The following NKIRAS1 variants were observed in gnomAD, a reference collection of about 807,000 sequenced individuals.
NKIRAS1 encodes the protein NF-kappa-B inhibitor-interacting Ras-like protein 1.
A neutral mutation model predicts 19.8 loss-of-function variants in NKIRAS1; 16 were observed. That is an observed-to-expected ratio of 0.81 (90% CI 0.55 to 1.23). The LOEUF (loss-of-function observed/expected upper bound fraction) is 1.23, where lower values mean the gene tolerates loss of function less well. NKIRAS1 is among the 50% of genes most tolerant of loss of function. The probability of loss-of-function intolerance (pLI) is 0.00; values close to 1 mark genes in which losing one functional copy is unlikely to be tolerated. For synonymous variants in NKIRAS1, 88 were observed against 79.0 expected, an observed-to-expected ratio of 1.11 and a Z score of -0.61; for missense variants, 184 against 220.0, an observed-to-expected ratio of 0.84 and a Z score of 1.04.
chr3:23,921,524 T>C, upstream of NKIRAS1: 1 of 678,706 alleles, frequency 1.5e-6, no homozygotes, highest in South Asian at 1.6e-5. Flanking sequence ...TTTGCTTTAC[T>C]ATTTCTATAT....
intron 4 of NKIRAS1, among the ~76,000 whole-genome samples, chr3:23,897,761 C>T (rs552590165): frequency 6.6e-6 from 1 of 152,272 alleles, no homozygotes; most frequent in South Asian, 2.1e-4. Context: ...ACCCTCATTC[C>T]CCATTCTGCT....
chr3:23,942,133 C>T (rs1246370415), intron 1 of NKIRAS1, among the ~76,000 whole-genome samples: 1 of 152,028 alleles, frequency 6.6e-6, no homozygotes, highest in Non-Finnish European at 1.5e-5. Context: ...TGTGTGCTAC[C>T]ACATCCGGCT....
intron 4 of NKIRAS1, 33 bp downstream of exon 4, chr3:23,900,774 AT>A (rs1194899010): frequency 1.9e-6 from 3 of 1,569,712 alleles, no homozygotes; most frequent in African/African-American, 1.4e-5. Flanking sequence ...TGGTATTATA[AT>A]TCACATTTGG....
intron 4 of NKIRAS1, among the ~76,000 whole-genome samples, chr3:23,894,932 C>G (rs1490120472): frequency 6.6e-6 from 1 of 152,324 alleles, no homozygotes; most frequent in Non-Finnish European, 1.5e-5. Context: ...TTTCACTGGC[C>G]ACGTAGATGC....
intron 1 of NKIRAS1, among the ~76,000 whole-genome samples, chr3:23,924,707 C>A (rs149136762): frequency 6.6e-6 from 1 of 152,144 alleles, no homozygotes; most frequent in Admixed American, 6.6e-5. Flanking sequence ...TGGCCCTGCT[C>A]ATAAGATTCT....
chr3:23,900,663 A>C (rs1702441088), intron 4 of NKIRAS1, 145 bp downstream of exon 4: 1 of 635,672 alleles, frequency 1.6e-6, no homozygotes, highest in Admixed American at 3.3e-5. Context: ...AAAAAGAAAA[A>C]GAAAAAGAAA....
At chr3:23,913,719 T>C (rs1047698526) in intron 1 of NKIRAS1, among the ~76,000 whole-genome samples, 3 of 152,174 alleles carry the variant, frequency 2.0e-5, no homozygotes, top group African/African-American at 7.2e-5. Flanking sequence ...ACACAATAAA[T>C]GTACACCAGT....
chr3:23,945,233 G>C (rs1409466968), intron 1 of NKIRAS1: 1 of 151,512 alleles, frequency 6.6e-6, no homozygotes, highest in Non-Finnish European at 1.5e-5. Context: ...GGCCGAGGGC[G>C]GGCGGAGGGA....
intron 1 of NKIRAS1, among the ~76,000 whole-genome samples, chr3:23,913,896 C>T (rs2125430510): frequency 1.3e-5 from 2 of 152,192 alleles, no homozygotes; most frequent in South Asian, 4.1e-4. Context: ...CACTGTGATG[C>T]CATGATATTA....
chr3:23,911,590 AAG>A (rs1305325909), intron 1 of NKIRAS1, 140 bp from the exon 2 acceptor site: 1 of 152,246 alleles, frequency 6.6e-6, no homozygotes, highest in Non-Finnish European at 1.5e-5. Flanking sequence ...AAATCCTTGA[AAG>A]AGACTGCCTA....
At chr3:23,914,099 T>C (rs754321986) in intron 1 of NKIRAS1, among the ~76,000 whole-genome samples, 2 of 152,084 alleles carry the variant, frequency 1.3e-5, no homozygotes, top group African/African-American at 4.8e-5. Context: ...TAAATACTTA[T>C]TGCTTTACTT....
intron 4 of NKIRAS1, among the ~76,000 whole-genome samples, chr3:23,894,698 C>CT (rs113394733): frequency 6.6e-6 from 1 of 152,242 alleles, no homozygotes; most frequent in African/African-American, 2.4e-5. Context: ...CCTGCTTCCT[C>CT]TATCACTCCC....
At chr3:23,897,169 C>G (rs952228113) in intron 4 of NKIRAS1, among the ~76,000 whole-genome samples, 2 of 151,360 alleles carry the variant, frequency 1.3e-5, no homozygotes, top group Non-Finnish European at 2.9e-5. Flanking sequence ...CCATAGCTCT[C>G]AAGTCTGGGC....
chr3:23,910,677 CTT>C, intron 3 of NKIRAS1, 132 bp downstream of exon 3: 3 of 648,550 alleles, frequency 4.6e-6, no homozygotes, highest in Non-Finnish European at 8.2e-6. Context: ...TTTCTTACCT[CTT>C]AATCTCTTTT....
intron 1 of NKIRAS1, among the ~76,000 whole-genome samples, chr3:23,940,346 TAAAA>T (rs35882098): frequency 6.7e-6 from 1 of 150,010 alleles, no homozygotes; most frequent in African/African-American, 2.5e-5. Flanking sequence ...GACCTGTTTC[TAAAA>T]AAAAATTAAA....
chr3:23,946,503 C>T (rs1705717810), exon 1 of NKIRAS1: 1 of 161,626 alleles, frequency 6.2e-6, no homozygotes. Context: ...CGTCTGTTTA[C>T]AAAAAAAACC....
intron 3 of NKIRAS1, among the ~76,000 whole-genome samples, chr3:23,910,117 A>G (rs906507866): frequency 6.6e-6 from 1 of 150,540 alleles, no homozygotes; most frequent in African/African-American, 2.4e-5. Flanking sequence ...TCGGCCTCCC[A>G]AAGCGTTTGG....
intron 1 of NKIRAS1, among the ~76,000 whole-genome samples, chr3:23,935,404 T>A (rs1365825558): frequency 6.6e-6 from 1 of 150,896 alleles, no homozygotes; most frequent in Non-Finnish European, 1.5e-5. Flanking sequence ...GATCAACGAA[T>A]CAACTCTTTT....
intron 3 of NKIRAS1, among the ~76,000 whole-genome samples, chr3:23,902,976 G>A (rs563724672): frequency 6.6e-6 from 1 of 152,332 alleles, no homozygotes; most frequent in African/African-American, 2.4e-5. Context: ...TGGAGAATCT[G>A]GCCAACGGAA....
Sources: gnomAD v4.1 joint callset for allele counts (sites outside exome capture counted in the v4.1 genomes callset) on GRCh38, gnomAD v4.1.1 for gene constraint, MANE v1.5 for transcripts, NCBI Gene and HGNC (gene_info 2026-07-23, HGNC 2026-07-21) for gene names.